Variants in LCA5L observed in about 807,000 individuals in gnomAD.
The protein encoded by LCA5L is lebercilin-like protein.
Under a neutral mutation model 45.4 loss-of-function variants are expected in LCA5L, and 35 were observed. The ratio of observed to expected loss-of-function variants is 0.77; its 90% CI spans 0.59 to 1.02. LCA5L has a LOEUF of 1.02. Ranked by LOEUF, LCA5L falls within the 50% of genes least tolerant of loss-of-function variation. LCA5L has a pLI of 0.00. For synonymous variants in LCA5L, 233 were observed against 264.7 expected (o/e 0.88, Z 1.16); for missense variants, 668 against 761.6 (o/e 0.88, Z 1.45).
chr21:39,420,853 G>A lies in LCA5L; in HGVS notation c.838-10C>T, dbSNP rs2042174114. On this transcript the variant is annotated splice_polypyrimidine_tract_variant and intron_variant, in intron 6 of 10. Transcript: ENST00000288350. Reference sequence around the variant, plus strand: ...GTTGTTTTTCCAAGCTCTGAAAACAGTATATATTATAACTATTCTGCAACC... The same window carrying A: ...GTTGTTTTTCCAAGCTCTGAAAACAATATATATTATAACTATTCTGCAACC... The A allele has an allele frequency of 3.7e-6, 6 of 1,603,382 alleles. No homozygotes were observed. The highest frequency in any genetic ancestry group is 3.3e-5 in the South Asian group (3 of 90,594).
At chr21:39,411,001 T>C in intron 8 of LCA5L, 1 of 461,366 alleles carries the variant, frequency 2.2e-6, no homozygotes, top group Non-Finnish European at 4.5e-6. Context: ...GGGAAAGCAG[T>C]GCACGTGCTC....
intron 7 of LCA5L, among the ~76,000 whole-genome samples, chr21:39,415,373 A>T (rs2040951028): frequency 6.6e-6 from 1 of 152,192 alleles, no homozygotes. Flanking sequence ...AAATTAAAAT[A>T]TATAAAAAAA....
At chr21:39,433,902 TACAGGTCCA>T (rs2076026759) in intron 3 of LCA5L, among the ~76,000 whole-genome samples, 2 of 145,272 alleles carry the variant, frequency 1.4e-5, no homozygotes, top group South Asian at 4.6e-4. Context: ...GTAGCTGGAC[TACAGGTCCA>T]TGCCACCACA....
intron 6 of LCA5L, chr21:39,422,084 A>G (rs571887488): frequency 3.9e-5 from 6 of 152,366 alleles, no homozygotes; most frequent in Admixed American, 1.3e-4. Context: ...TAGATCACAT[A>G]TTAATTTCAT....
intron 1 of LCA5L, chr21:39,444,814 T>A (rs2077269529): frequency 6.6e-6 from 1 of 152,274 alleles, no homozygotes; most frequent in Non-Finnish European, 1.5e-5. Context: ...AGGATGGAAT[T>A]TCCAGCAACT....
intron 2 of LCA5L, among the ~76,000 whole-genome samples, chr21:39,439,176 G>A (rs2076569647): frequency 1.3e-5 from 2 of 152,052 alleles, no homozygotes; most frequent in South Asian, 4.1e-4. Flanking sequence ...CAGAGTCAGA[G>A]GGAGAAGACA....
intron 7 of LCA5L, among the ~76,000 whole-genome samples, chr21:39,416,180 G>A (rs956685204): frequency 1.3e-5 from 2 of 152,188 alleles, no homozygotes; most frequent in Non-Finnish European, 2.9e-5. Flanking sequence ...AGGTAAAAAT[G>A]TTTGCTTCTT....
At chr21:39,416,722 A>G (rs2041235491) in intron 7 of LCA5L, among the ~76,000 whole-genome samples, 1 of 152,076 alleles carries the variant, frequency 6.6e-6, no homozygotes, top group Non-Finnish European at 1.5e-5. Flanking sequence ...ATCTATCAGG[A>G]GCTTTATCCC....
At chr21:39,443,158 A>G (rs2077040630) in intron 2 of LCA5L, among the ~76,000 whole-genome samples, 1 of 152,254 alleles carries the variant, frequency 6.6e-6, no homozygotes, top group Non-Finnish European at 1.5e-5. Context: ...GAGGGAAGCC[A>G]TACTGGCTGA....
At chr21:39,415,716 A>C (rs1272039183) in intron 7 of LCA5L, among the ~76,000 whole-genome samples, 1 of 152,218 alleles carries the variant, frequency 6.6e-6, no homozygotes, top group Non-Finnish European at 1.5e-5. Flanking sequence ...ACTGCGACTG[A>C]TTAATATATC....
intron 2 of LCA5L, among the ~76,000 whole-genome samples, chr21:39,438,111 G>A (rs2076461674): frequency 6.6e-6 from 1 of 152,144 alleles, no homozygotes; most frequent in African/African-American, 2.4e-5. Context: ...ATCAGATACT[G>A]AGATAGAAAA....
At chr21:39,413,598 A>G (rs1442659492) in intron 7 of LCA5L, among the ~76,000 whole-genome samples, 2 of 152,200 alleles carry the variant, frequency 1.3e-5, no homozygotes, top group Non-Finnish European at 2.9e-5. Context: ...CTTTTCTAGA[A>G]TTTAAGTTTC....
chr21:39,422,356 A>T (rs945110835), intron 6 of LCA5L: 4 of 152,350 alleles, frequency 2.6e-5, no homozygotes, highest in Non-Finnish European at 5.9e-5. Context: ...ATCCCTTATA[A>T]TGTAATCCCC....
chr21:39,408,534 C>G (rs1052262646), intron 10 of LCA5L: 1 of 152,376 alleles, frequency 6.6e-6, no homozygotes, highest in Admixed American at 6.5e-5. Flanking sequence ...TCCCAAACAC[C>G]AGGTGAGCCA....
rs765303910 is a variant in LCA5L at position 39,406,394 on chromosome 21, C to T, written c.1501G>A (p.Gly501Ser). ...CCTTTGCCAAGTGTGTCATCCACAC[C>T]ATTTCTCTGCATGCTTCTTTTAAAC... ...EKFKRSMQRN[G>S]VDDTLGKGTA... is the part of the protein sequence containing the mutation. Residue 501 changes from glycine (G) to serine (S), a missense_variant, in exon 11 of 11, where the codon GGT becomes AGT. Coordinates refer to ENST00000288350, the MANE Select transcript of LCA5L (RefSeq NM_152505.4). 1 of 1,613,612 alleles carries T rather than the reference C, an allele frequency of 6.2e-7. No individual in the cohort carries two copies. Among genetic ancestry groups the T allele is most frequent in the Non-Finnish European group, 8.5e-7 (1 of 1,179,898 alleles).
intron 8 of LCA5L, 41 bp downstream of exon 8, chr21:39,411,677 T>C: frequency 9.8e-7 from 1 of 1,021,906 alleles, no homozygotes; most frequent in Non-Finnish European, 1.4e-6. Flanking sequence ...TCTGACTAGA[T>C]ACTTAAAAAT....
chr21:39,421,247 G>A (rs2042259476), intron 6 of LCA5L, among the ~76,000 whole-genome samples: 1 of 152,000 alleles, frequency 6.6e-6, no homozygotes, highest in Admixed American at 6.6e-5. Flanking sequence ...GTTTACAGGT[G>A]CACACCACCA....
intron 7 of LCA5L, among the ~76,000 whole-genome samples, chr21:39,412,089 A>G (rs1398395654): frequency 2.0e-5 from 3 of 152,168 alleles, no homozygotes; most frequent in Admixed American, 6.5e-5. Context: ...AGTTTATGAA[A>G]TATTCTTCTG....
intron 2 of LCA5L, among the ~76,000 whole-genome samples, chr21:39,438,330 T>TA (rs1316594108): frequency 6.6e-6 from 1 of 152,150 alleles, no homozygotes; most frequent in Non-Finnish European, 1.5e-5. Context: ...TTTCTTACAC[T>TA]AAAATGACGG....
Sources: gnomAD v4.1 joint callset for allele counts (sites outside exome capture counted in the v4.1 genomes callset) on GRCh38, gnomAD v4.1.1 for gene constraint, MANE v1.5 for transcripts, NCBI Gene and HGNC (gene_info 2026-07-23, HGNC 2026-07-21) for gene names.